Variants in COL15A1 observed in about 807,000 individuals in gnomAD.
COL15A1 encodes the protein collagen type XV alpha 1 chain.
Under a neutral mutation model 165.9 loss-of-function variants are expected in COL15A1, and 111 were observed. The ratio of observed to expected loss-of-function variants is 0.67; its 90% confidence interval spans 0.57 to 0.78. COL15A1 has a LOEUF of 0.78. COL15A1 is among the 30% of genes least tolerant of loss of function. The pLI is 0.00. For synonymous variants in COL15A1, 659 were observed against 674.8 expected, an observed-to-expected ratio of 0.98 and a Z score of 0.36; for missense variants, 1,745 against 1,789.7, an observed-to-expected ratio of 0.98 and a Z score of 0.45.
chr9:99,049,742 T>C lies in COL15A1; in HGVS notation c.2846T>C (p.Val949Ala). The change falls in exon 29 of 42, where the codon GTG becomes GCG. Residue 949 changes from valine to alanine, a missense_variant. Transcript: ENST00000375001. The stretch of plus-strand genomic sequence containing the variant: ...GGCCCCCCTGGGCCACCTGGAGCTG[T>C]GATTAACATCAAAGGAGTAAGTTGG... ...PPGPPGPPGA[V>A]INIKGAIFPI... is the part of the protein sequence containing the mutation. The C allele has an allele frequency of 8.7e-6, 14 of 1,614,234 alleles. No homozygotes were observed. The highest frequency in any genetic ancestry group is 1.2e-5 in the Non-Finnish European group (14 of 1,180,052).
At chr9:98,982,441 G>T (rs1423657121) in intron 2 of COL15A1, among the ~76,000 whole-genome samples, 2 of 152,152 alleles carry the variant, frequency 1.3e-5, no homozygotes, top group Non-Finnish European at 2.9e-5. Context: ...CATTTTTCAA[G>T]TGCTCAATAG....
At chr9:99,042,169 T>G in intron 24 of COL15A1, 62 bp downstream of exon 24, 1 of 1,160,914 alleles carries the variant, frequency 8.6e-7, no homozygotes, top group Non-Finnish European at 1.3e-6. Flanking sequence ...CGTTTCAGAT[T>G]GGCTGAAAAT....
At chr9:99,021,091 A>T (rs1042792988) in intron 12 of COL15A1, among the ~76,000 whole-genome samples, 5 of 152,218 alleles carry the variant, frequency 3.3e-5, no homozygotes, top group Non-Finnish European at 7.3e-5. Context: ...GACCCCAGTC[A>T]AGAGATCCTG....
rs1825964378 is a variant in COL15A1, at chr9:99,070,286, T to C, written c.*400T>C. 4.6e-6 allele frequency: 1 copy of C among 217,544 alleles called. No individual in the cohort carries two copies. Among genetic ancestry groups the C allele is most frequent in the Admixed American group, 5.5e-5 (1 of 18,126 alleles). 13.5% of individuals were successfully genotyped at this position (217,544 alleles called of 1,614,324 possible). On this transcript the variant is annotated 3_prime_UTR_variant, in exon 42 of 42. Coordinates refer to ENST00000375001, the MANE Select transcript of COL15A1 (RefSeq NM_001855.5). ...CTTATAAAGTCAGTGTTTAGAAATGTTACCCTTTCTAAGTTATATACAGAT... is the reference window on the plus strand; with the variant it reads ...CTTATAAAGTCAGTGTTTAGAAATGCTACCCTTTCTAAGTTATATACAGAT...
intron 5 of COL15A1, among the ~76,000 whole-genome samples, chr9:98,992,438 A>C (rs892424106): frequency 2.0e-5 from 3 of 152,146 alleles, no homozygotes; most frequent in Non-Finnish European, 4.4e-5. Flanking sequence ...TGGAACTCTC[A>C]CTGGCCCGCA....
Position 99,051,104 on chromosome 9 carries a change from A to G in COL15A1, c.2904+1209A>G, listed in dbSNP as rs183795599. ...GCTGCATCCCACCTGCTTATCACAC[A>G]GGAGAGACCACACAGCCCAGAGAAG... On this transcript the variant is annotated intron_variant, in intron 30 of 41. Transcript: ENST00000375001. 3.9e-5 allele frequency among the ~76,000 whole-genome samples: 6 copies of G among 152,296 alleles called. No homozygotes were observed. The East Asian group carries it at 1.2e-3, about 29-fold the overall frequency.
chr9:98,992,807 G>A (rs1415143610), intron 5 of COL15A1, among the ~76,000 whole-genome samples: 1 of 152,218 alleles, frequency 6.6e-6, no homozygotes, highest in Non-Finnish European at 1.5e-5. Flanking sequence ...ACTCAAGCCA[G>A]GCCTCACTCC....
chr9:99,067,175 C>A, intron 40 of COL15A1, 108 bp downstream of exon 40: 2 of 951,208 alleles, frequency 2.1e-6, no homozygotes, highest in Admixed American at 2.5e-5. Context: ...CTTAAGCCTG[C>A]TCTCTCCCTT....
At chr9:99,021,508 G>A (rs988898970) in intron 12 of COL15A1, among the ~76,000 whole-genome samples, 4 of 152,180 alleles carry the variant, frequency 2.6e-5, no homozygotes, top group African/African-American at 4.8e-5. Context: ...AAAACCTCCT[G>A]GGATGCCACT....
intron 18 of COL15A1, 87 bp downstream of exon 18, chr9:99,035,241 C>A: frequency 6.3e-7 from 1 of 1,586,648 alleles, no homozygotes; most frequent in South Asian, 1.1e-5. Context: ...GGTCTCAGGG[C>A]AGAGGCTGTG....
intron 24 of COL15A1, 41 bp downstream of exon 24, chr9:99,042,148 A>G (rs1167362171): frequency 7.0e-7 from 1 of 1,434,610 alleles, no homozygotes; most frequent in African/African-American, 1.4e-5. Flanking sequence ...TGGGCGCTGG[A>G]ATTTGCTAAA....
At chr9:98,992,748 C>T (rs1226572193) in intron 5 of COL15A1, among the ~76,000 whole-genome samples, 1 of 152,196 alleles carries the variant, frequency 6.6e-6, no homozygotes, top group East Asian at 1.9e-4. Flanking sequence ...AAAATGAATG[C>T]CCAGGAGGTG....
At chr9:99,056,518 A>G in intron 35 of COL15A1, 114 bp downstream of exon 35, 3 of 1,402,566 alleles carry the variant, frequency 2.1e-6, no homozygotes, top group South Asian at 3.1e-5. Flanking sequence ...TTTCCTGGAT[A>G]CCGCCTTCTT....
chr9:99,070,746 T>C lies in COL15A1; in HGVS notation c.*860T>C, dbSNP rs578208682. 37 of 350,860 alleles carry C rather than the reference T, an allele frequency of 1.1e-4. 1 individual carries two copies. The highest frequency in any genetic ancestry group is 4.2e-4 in the South Asian group (21 of 49,904). The allele number at this position is 350,860 out of a possible 1,614,324, so 21.7% of individuals were successfully genotyped here. A position where few individuals can be genotyped will look rare whatever the true frequency, so the allele number is the denominator to read the frequency against. On this transcript the variant is annotated 3_prime_UTR_variant, in exon 42 of 42. Coordinates refer to ENST00000375001, the MANE Select transcript of COL15A1 (RefSeq NM_001855.5). ...GTTGTATAATTGGATTTTTTTTCCA[T>C]GTAAGTGAACATAAAAACATCTTTT...
At chr9:99,041,720 T>G (rs1026098325) in intron 23 of COL15A1, among the ~76,000 whole-genome samples, 1 of 152,102 alleles carries the variant, frequency 6.6e-6, no homozygotes, top group Non-Finnish European at 1.5e-5. Context: ...GGAGGCGGGC[T>G]GCAGGGTGGC....
intron 9 of COL15A1, among the ~76,000 whole-genome samples, chr9:99,006,984 G>A (rs1838773236): frequency 6.6e-6 from 1 of 152,228 alleles, no homozygotes; most frequent in African/African-American, 2.4e-5. Flanking sequence ...GCCCAAGGTG[G>A]TTGGGGCACA....
intron 24 of COL15A1, among the ~76,000 whole-genome samples, chr9:99,043,803 T>C (rs1025777236): frequency 6.6e-6 from 1 of 152,120 alleles, no homozygotes; most frequent in Non-Finnish European, 1.5e-5. Context: ...AGATAGAAGG[T>C]TTCTGCACCC....
chr9:99,054,113 T>C (rs1440399053), intron 31 of COL15A1, among the ~76,000 whole-genome samples: 1 of 152,246 alleles, frequency 6.6e-6, no homozygotes, highest in East Asian at 1.9e-4. Context: ...CGTAGAAAAC[T>C]TAGCGCCCTT....
chr9:98,999,489 T>A (rs1182607092), intron 6 of COL15A1, among the ~76,000 whole-genome samples: 1 of 151,538 alleles, frequency 6.6e-6, no homozygotes, highest in East Asian at 1.9e-4. Context: ...AGGCGTGCAG[T>A]CATGGTAGTA....
Sources: gnomAD v4.1 joint callset for allele counts (sites outside exome capture counted in the v4.1 genomes callset) on GRCh38, gnomAD v4.1.1 for gene constraint, MANE v1.5 for transcripts, NCBI Gene and HGNC (gene_info 2026-07-23, HGNC 2026-07-21) for gene names.